MAP4: variants seen among roughly 807,000 people sequenced by gnomAD.
MAP4 encodes the protein microtubule associated protein 4.
MAP4 carries 76 observed loss-of-function variants against 170.2 expected under a neutral mutation model. That is an observed-to-expected ratio of 0.45 (90% CI 0.37 to 0.54). The LOEUF (loss-of-function observed/expected upper bound fraction) is 0.54, where lower values mean the gene tolerates loss of function less well. Ranked by LOEUF, MAP4 falls within the 20% of genes least tolerant of loss-of-function variation. The pLI is 0.00. For synonymous variants in MAP4, 909 were observed against 994.5 expected (o/e 0.91, Z 1.62); for missense variants, 2,506 against 2,748.0 (o/e 0.91, Z 1.97).
At position 47,912,347 on chromosome 3, in the gene MAP4, G is replaced by T. The variant is rs902364795; in HGVS notation, c.2074C>A (p.Arg692=). 1 of 1,535,836 alleles carries T rather than the reference G, an allele frequency of 6.5e-7. No individual in the cohort carries two copies. Among genetic ancestry groups the T allele is most frequent in the Non-Finnish European group, 8.7e-7 (1 of 1,146,676 alleles). ...GGAGGGACCCTGGCAGGCTTGGGCCGGGTTGACCTGCGGTCACTGGGTCTG... is the reference window on the plus strand; with the variant it reads ...GGAGGGACCCTGGCAGGCTTGGGCCTGGTTGACCTGCGGTCACTGGGTCTG... ...VCRPSDRRST[R]PKPARVPPEL... The change falls in exon 9 of 21, where the codon CGG becomes AGG. Residue 692 remains arginine, a synonymous_variant. Transcript: ENST00000683076.
chr3:47,857,713 CTTT>C (rs112833712), intron 17 of MAP4, among the ~76,000 whole-genome samples: 1 of 145,722 alleles, frequency 6.9e-6, no homozygotes, highest in African/African-American at 2.5e-5. Context: ...TCTTCACTTC[CTTT>C]TTTTTTTTTA....
intron 10 of MAP4, chr3:47,891,797 G>T: frequency 3.9e-6 from 6 of 1,535,118 alleles, no homozygotes; most frequent in Non-Finnish European, 4.4e-6. Flanking sequence ...CACCAGGAGT[G>T]GGGACTCACA....
At chr3:48,058,959 T>C (rs2100133722) in intron 1 of MAP4, among the ~76,000 whole-genome samples, 1 of 152,028 alleles carries the variant, frequency 6.6e-6, no homozygotes, top group East Asian at 1.9e-4. Context: ...TTTGTATTTT[T>C]AGTAGAGATG....
intron 1 of MAP4, among the ~76,000 whole-genome samples, chr3:48,033,005 ATATTT>A (rs1280530218): frequency 6.6e-6 from 1 of 152,218 alleles, no homozygotes; most frequent in East Asian, 1.9e-4. Context: ...TGCACATCTA[ATATTT>A]CCAACCAAAT....
intron 3 of MAP4, among the ~76,000 whole-genome samples, chr3:47,941,866 A>G (rs1265169339): frequency 1.3e-5 from 2 of 152,130 alleles, no homozygotes; most frequent in Non-Finnish European, 1.5e-5. Context: ...CTTCTCAATA[A>G]AAATATTGTT....
chr3:47,866,474 G>A (rs914689525), intron 17 of MAP4, among the ~76,000 whole-genome samples: 4 of 151,880 alleles, frequency 2.6e-5, no homozygotes, highest in African/African-American at 9.7e-5. Flanking sequence ...GAAATGGGAG[G>A]GCCGGGCGCA....
intron 1 of MAP4, among the ~76,000 whole-genome samples, chr3:48,060,833 AACAAAATAT>A (rs1210331081): frequency 1.3e-5 from 2 of 152,122 alleles, no homozygotes; most frequent in Non-Finnish European, 2.9e-5. Flanking sequence ...TTAAAAACGA[AACAAAATAT>A]ACAAATAACT....
intron 3 of MAP4, chr3:47,975,318 A>G (rs549724342): frequency 1.3e-6 from 2 of 1,529,198 alleles, no homozygotes; most frequent in Non-Finnish European, 1.8e-6. Context: ...GGCCCCGAAG[A>G]ACTACCCTCA....
chr3:48,039,943 C>A (rs1360943370), intron 1 of MAP4, among the ~76,000 whole-genome samples: 1 of 152,190 alleles, frequency 6.6e-6, no homozygotes, highest in African/African-American at 2.4e-5. Flanking sequence ...TTAACTACAG[C>A]CCTTTGCACC....
At chr3:47,933,602 T>C (rs1250750924) in intron 3 of MAP4, among the ~76,000 whole-genome samples, 1 of 47,626 alleles carries the variant, frequency 2.1e-5, no homozygotes, top group African/African-American at 1.2e-4. Context: ...CCTGCCCAGC[T>C]TTTTTTTTTT....
At chr3:48,054,658 A>T (rs1353441400) in intron 1 of MAP4, among the ~76,000 whole-genome samples, 8 of 131,276 alleles carry the variant, frequency 6.1e-5, no homozygotes, top group South Asian at 4.9e-4. Context: ...AAAAAAAAAA[A>T]TTAGCTGGCC....
At chr3:47,871,768 C>T (rs1576855923) in intron 13 of MAP4, 149 bp downstream of exon 13, 1 of 683,286 alleles carries the variant, frequency 1.5e-6, no homozygotes, top group Non-Finnish European at 2.4e-6. Context: ...GCCCACAGGG[C>T]TACCACTGTT....
At chr3:47,987,884 T>G (rs1280702862) in intron 2 of MAP4, among the ~76,000 whole-genome samples, 1 of 151,924 alleles carries the variant, frequency 6.6e-6, no homozygotes, top group Admixed American at 6.6e-5. Context: ...TGGTGACAGG[T>G]AGTAGAAACG....
intron 4 of MAP4, among the ~76,000 whole-genome samples, chr3:47,927,693 T>A (rs2100046854): frequency 6.6e-6 from 1 of 152,152 alleles, no homozygotes; most frequent in Non-Finnish European, 1.5e-5. Context: ...CAGGCTTGTC[T>A]CGAACTCTCG....
intron 1 of MAP4, among the ~76,000 whole-genome samples, chr3:48,056,985 G>T (rs1478708672): frequency 8.0e-6 from 1 of 125,270 alleles, no homozygotes; most frequent in African/African-American, 3.1e-5. Flanking sequence ...GAGGGAGGTG[G>T]GGGGGGTCAG....
intron 9 of MAP4, among the ~76,000 whole-genome samples, chr3:47,906,083 C>CAA (rs2100032838): frequency 7.2e-6 from 1 of 138,982 alleles, no homozygotes; most frequent in African/African-American, 3.1e-5. Context: ...GTACACATAA[C>CAA]CAAAAAAAAA....
chr3:47,937,292 T>C (rs1227895421), intron 3 of MAP4, among the ~76,000 whole-genome samples: 1 of 152,136 alleles, frequency 6.6e-6, no homozygotes, highest in Non-Finnish European at 1.5e-5. Flanking sequence ...AAAGTACTCA[T>C]TACTTGTCTA....
At chr3:48,055,043 G>A (rs1406321858) in intron 1 of MAP4, among the ~76,000 whole-genome samples, 1 of 152,152 alleles carries the variant, frequency 6.6e-6, no homozygotes, top group African/African-American at 2.4e-5. Context: ...CCCTTCCAAG[G>A]TGGAGACAGA....
intron 8 of MAP4, among the ~76,000 whole-genome samples, chr3:47,913,568 G>C (rs1261048134): frequency 2.6e-5 from 4 of 152,022 alleles, no homozygotes; most frequent in Non-Finnish European, 4.4e-5. Context: ...CTTCATTCAG[G>C]TTATAATATA....
Sources: gnomAD v4.1 joint callset for allele counts (sites outside exome capture counted in the v4.1 genomes callset) on GRCh38, gnomAD v4.1.1 for gene constraint, MANE v1.5 for transcripts, NCBI Gene and HGNC (gene_info 2026-07-23, HGNC 2026-07-21) for gene names.